Variants in SRPK2 observed in about 807,000 individuals in gnomAD.
The protein encoded by SRPK2 is SFRS protein kinase 2.
Under a neutral mutation model 90.8 loss-of-function variants are expected in SRPK2, and 21 were observed. The observed-to-expected ratio is 0.23, with a 90% CI of 0.16 to 0.33. The LOEUF (loss-of-function observed/expected upper bound fraction) is 0.33, where lower values mean the gene tolerates loss of function less well. SRPK2 is among the 10% of genes least tolerant of loss of function. SRPK2 has a pLI of 1.00. For synonymous variants in SRPK2, 288 were observed against 311.1 expected, an observed-to-expected ratio of 0.93 and a Z score of 0.78; for missense variants, 620 against 869.0, an observed-to-expected ratio of 0.71 and a Z score of 3.60.
chr7:105,294,206 C>T (rs1259645355), intron 2 of SRPK2, among the ~76,000 whole-genome samples: 8 of 152,206 alleles, frequency 5.3e-5, no homozygotes, highest in African/African-American at 1.7e-4. Context: ...AAAGAAGTTC[C>T]GCAGTTTGAA....
At chr7:105,311,217 T>C (rs1811673266) in intron 2 of SRPK2, among the ~76,000 whole-genome samples, 1 of 152,140 alleles carries the variant, frequency 6.6e-6, no homozygotes, top group Non-Finnish European at 1.5e-5. Context: ...CCCAATTAAA[T>C]AATAAGCAAA....
At chr7:105,299,760 G>A (rs1478605284) in intron 2 of SRPK2, among the ~76,000 whole-genome samples, 4 of 152,084 alleles carry the variant, frequency 2.6e-5, no homozygotes, top group Non-Finnish European at 5.9e-5. Flanking sequence ...CAGGTGTGGT[G>A]GAGGGTGCCT....
chr7:105,244,982 T>A (rs1801405315), intron 2 of SRPK2: 14 of 1,143,650 alleles, frequency 1.2e-5, no homozygotes, highest in Non-Finnish European at 1.8e-5. Context: ...CCCCCTTCCC[T>A]GCCCTCTCCC....
At chr7:105,301,315 G>A (rs575207773) in intron 2 of SRPK2, among the ~76,000 whole-genome samples, 21 of 151,104 alleles carry the variant, frequency 1.4e-4, no homozygotes, top group South Asian at 4.2e-4. Flanking sequence ...CCGCGGCTCC[G>A]GGTCCGAGCC....
intron 2 of SRPK2, among the ~76,000 whole-genome samples, chr7:105,356,734 T>C (rs977780609): frequency 2.0e-5 from 3 of 152,184 alleles, no homozygotes; most frequent in Non-Finnish European, 2.9e-5. Context: ...CTATTAGATA[T>C]ATTAAATACC....
At chr7:105,329,767 T>C (rs1814059739) in intron 2 of SRPK2, among the ~76,000 whole-genome samples, 1 of 152,082 alleles carries the variant, frequency 6.6e-6, no homozygotes, top group African/African-American at 2.4e-5. Flanking sequence ...TGGTGGCTCA[T>C]GCCTATAATC....
chr7:105,285,123 A>G (rs1585531323), intron 2 of SRPK2, among the ~76,000 whole-genome samples: 1 of 152,114 alleles, frequency 6.6e-6, no homozygotes, highest in Non-Finnish European at 1.5e-5. Context: ...CTGTGGCTCC[A>G]GCCTGTAATC....
In SRPK2 at chr7:105,388,891, C is replaced by T. The variant is rs1343940220; in HGVS notation, c.-85G>A. 4 of 1,240,810 alleles carry T rather than the reference C, an allele frequency of 3.2e-6. No individual in the cohort carries two copies. Among genetic ancestry groups the T allele is most frequent in the Non-Finnish European group, 4.0e-6 (4 of 995,374 alleles). The allele number at this position is 1,240,810 out of a possible 1,614,324, so 76.9% of individuals were successfully genotyped here. A position where few individuals can be genotyped will look rare whatever the true frequency, so the allele number is the denominator to read the frequency against. ...GCTGGGCTGCAGCCTCCACTCGCTC[C>T]GCCGGCCGGGAGGAGACGAGAACCG... is the stretch of plus-strand genomic sequence containing the variant. On this transcript the variant is annotated 5_prime_UTR_variant, in exon 1 of 16. Coordinates refer to ENST00000393651, the MANE Select transcript of SRPK2 (RefSeq NM_182692.3).
intron 2 of SRPK2, among the ~76,000 whole-genome samples, chr7:105,311,267 T>G (rs1434292360): frequency 1.3e-5 from 2 of 152,086 alleles, no homozygotes; most frequent in Non-Finnish European, 2.9e-5. Flanking sequence ...GGAGTTTCAC[T>G]CGTCTCCCAG....
At chr7:105,251,041 G>A (rs1328478439) in intron 2 of SRPK2, among the ~76,000 whole-genome samples, 2 of 152,166 alleles carry the variant, frequency 1.3e-5, no homozygotes, top group African/African-American at 4.8e-5. Context: ...AATGAAATGA[G>A]GATGAAATGG....
At chr7:105,253,366 A>AC (rs1447208705) in intron 2 of SRPK2, among the ~76,000 whole-genome samples, 1 of 152,208 alleles carries the variant, frequency 6.6e-6, no homozygotes, top group Admixed American at 6.6e-5. Flanking sequence ...AAAAGACCTT[A>AC]CTTCATGCCC....
At position 105,117,083 on chromosome 7, in the gene SRPK2, G is replaced by A. The variant is rs1218403843; in HGVS notation, c.*755C>T. ...TTAAAAATATGCAAAATCACAAATG[G>A]GACTGCTAAATTATAATGCATATTT... On this transcript the variant is annotated 3_prime_UTR_variant, in exon 16 of 16. Coordinates refer to ENST00000393651, the MANE Select transcript of SRPK2 (RefSeq NM_182692.3). 2 of 151,998 alleles carry A rather than the reference G, an allele frequency of 1.3e-5. No individual in the cohort carries two copies. The highest frequency in any genetic ancestry group is 2.1e-4 in the South Asian group (1 of 4,816). 9.4% of individuals were successfully genotyped at this position (151,998 alleles called of 1,614,324 possible).
At chr7:105,146,800 C>T in intron 7 of SRPK2, 142 bp from the exon 8 acceptor site, 1 of 809,618 alleles carries the variant, frequency 1.2e-6, no homozygotes, top group South Asian at 1.8e-5. Flanking sequence ...ATCTCCCTCC[C>T]ATGCCTACCC....
intron 2 of SRPK2, among the ~76,000 whole-genome samples, chr7:105,360,719 T>G (rs1168077719): frequency 6.6e-6 from 1 of 152,202 alleles, no homozygotes; most frequent in Non-Finnish European, 1.5e-5. Context: ...CTTGTAGGGT[T>G]TCTGCCGAGA....
At chr7:105,197,560 C>G (rs767406673) in intron 3 of SRPK2, among the ~76,000 whole-genome samples, 7 of 152,108 alleles carry the variant, frequency 4.6e-5, no homozygotes, top group Non-Finnish European at 8.8e-5. Context: ...TGCCTTTATC[C>G]AAACAAAATA....
intron 3 of SRPK2, among the ~76,000 whole-genome samples, chr7:105,179,493 A>T (rs1239910922): frequency 6.6e-6 from 1 of 152,204 alleles, no homozygotes. Context: ...CCAAATAGCA[A>T]TTCAGGTATG....
intron 2 of SRPK2, among the ~76,000 whole-genome samples, chr7:105,298,237 G>A (rs890644843): frequency 9.9e-5 from 15 of 152,226 alleles, no homozygotes; most frequent in South Asian, 6.2e-4. Context: ...GAGTCTGTAT[G>A]CTTTTGAGTC....
At chr7:105,374,142 G>A (rs908927715) in intron 2 of SRPK2, among the ~76,000 whole-genome samples, 4 of 151,872 alleles carry the variant, frequency 2.6e-5, no homozygotes, top group Non-Finnish European at 5.9e-5. Context: ...GGCCAGGCTG[G>A]TCTCAAACTC....
chr7:105,204,120 C>T (rs10281254), intron 2 of SRPK2, among the ~76,000 whole-genome samples: 3 of 152,134 alleles, frequency 2.0e-5, no homozygotes, highest in Admixed American at 6.5e-5. Context: ...GAAATGAAAG[C>T]GTATTCCATG....
Sources: allele counts gnomAD v4.1 joint callset (sites outside exome capture counted in the v4.1 genomes callset), GRCh38; gene constraint gnomAD v4.1.1; transcripts MANE v1.5; gene names NCBI Gene and HGNC (gene_info 2026-07-23, HGNC 2026-07-21).